MOB2: variants seen among roughly 807,000 people sequenced by gnomAD.
MOB2 encodes MOB2 Mps One Binder homolog.
A neutral mutation model predicts 27.4 loss-of-function variants in MOB2; 14 were observed. That is an observed-to-expected ratio of 0.51 (90% CI 0.34 to 0.80). MOB2 has a LOEUF of 0.80. MOB2 is among the 30% of genes least tolerant of loss of function. MOB2 has a pLI of 0.01. For missense variants in MOB2, 304 were observed against 354.6 expected (o/e 0.86, Z 1.15); for synonymous variants, 167 against 151.8 (o/e 1.10, Z -0.74).
rs1847789089 is a variant in MOB2, at chr11:1,471,419, T to C, written c.366A>G (p.Thr122=). ...ETCQTMAVCN[T]QYYWYDERGK... ...CCCGCTCGTCATACCAGTAGTACTGTCTGTGGAGACAGAGACACGGTCAGG... is the reference window on the plus strand; with the variant it reads ...CCCGCTCGTCATACCAGTAGTACTGCCTGTGGAGACAGAGACACGGTCAGG... Residue 122 remains threonine, a splice_region_variant and synonymous_variant, in exon 4 of 5, where the codon ACA becomes ACG. Coordinates refer to ENST00000329957, the MANE Select transcript of MOB2 (RefSeq NM_001172223.3). 1 of 1,610,170 alleles carries C rather than the reference T, an allele frequency of 6.2e-7. No individual in the cohort carries two copies. The highest frequency in any genetic ancestry group is 8.5e-7 in the Non-Finnish European group (1 of 1,177,922).
chr11:1,479,921 GA>G (rs1201088888), intron 3 of MOB2, among the ~76,000 whole-genome samples: 1 of 152,212 alleles, frequency 6.6e-6, no homozygotes, highest in Non-Finnish European at 1.5e-5. Context: ...ATTTACTGAG[GA>G]AATCAGGGTG....
chr11:1,485,978 C>T (rs1328765964), intron 1 of MOB2, among the ~76,000 whole-genome samples: 6 of 152,234 alleles, frequency 3.9e-5, no homozygotes, highest in African/African-American at 7.2e-5. Context: ...GGACAGACTC[C>T]GGGTCACCTC....
At position 1,470,404 on chromosome 11, in the gene MOB2, G is replaced by A; in HGVS notation, c.575C>T (p.Ala192Val). ...CAGGGCCAGCGTCTCCTTGAAGTGG[G>A]CCCAGTAGATGTGTGCCAGCACGTG... ...LFHVLAHIYW[A>V]HFKETLALEL... The change falls in exon 5 of 5, where the codon GCC (alanine) becomes GTC (valine). Residue 192 changes from alanine (A) to valine (V), a missense_variant. By Grantham distance (64) the Ala-to-Val change is moderately conservative (BLOSUM62 0). Coordinates refer to ENST00000329957, the MANE Select transcript of MOB2 (RefSeq NM_001172223.3). 1 of 1,613,696 alleles carries A rather than the reference G, an allele frequency of 6.2e-7. No individual in the cohort carries two copies. The highest frequency in any genetic ancestry group is 8.5e-7 in the Non-Finnish European group (1 of 1,179,888).
intron 3 of MOB2, among the ~76,000 whole-genome samples, chr11:1,474,466 G>C (rs1422420384): frequency 1.3e-5 from 2 of 152,232 alleles, no homozygotes; most frequent in African/African-American, 4.8e-5. Context: ...AAAAGCTTTG[G>C]AGTTTTAGAT....
Position 1,486,499 on chromosome 11 carries a change from G to A in MOB2, c.58C>T (p.Gln20Ter), listed in dbSNP as rs1442611440. Residue 20 changes from glutamine (Q) to a stop codon, truncating the protein, a stop_gained, in exon 1 of 5, where the codon CAA becomes TAA. Transcript: ENST00000329957. LOFTEE classifies it high-confidence loss of function. ...ACCATTTTGCAGCAGAGTCCACTTT[G>A]CAGGGACTGGCCGGGCCGGGCTTGG... is the stretch of plus-strand genomic sequence containing the variant. ...EDQARPGQSL[Q>*]SGLCCKMVLQ... 6.5e-7 allele frequency: 1 copy of A among 1,535,912 alleles called. No homozygotes were observed. The highest frequency in any genetic ancestry group is 1.2e-5 in the South Asian group (1 of 84,064).
Position 1,485,602 on chromosome 11 carries a change from G to C in MOB2, c.110+845C>G, listed in dbSNP as rs79973809. Among the ~76,000 whole-genome samples, 1,951 of 152,264 alleles carry C rather than the reference G, an allele frequency of 0.013. 127 individuals are homozygous for C. In the East Asian group the frequency reaches 0.21, roughly 16 times the overall value. On this transcript the variant is annotated intron_variant, in intron 1 of 4. Transcript: ENST00000329957. ...CGGGTGCCGCAGCCCCCGGCCCTTG[G>C]AGGGCACGTCCAGCAGGCCACGCTC... is the stretch of plus-strand genomic sequence containing the variant.
chr11:1,471,167 G>A (rs1847785033), intron 4 of MOB2, 128 bp downstream of exon 4: 1 of 1,290,274 alleles, frequency 7.8e-7, no homozygotes, highest in Non-Finnish European at 1.1e-6. Flanking sequence ...GCAGGGACTG[G>A]GGTGGTGCAG....
intron 1 of MOB2, among the ~76,000 whole-genome samples, chr11:1,483,627 CCT>C (rs758283529): frequency 9.9e-5 from 15 of 152,220 alleles, no homozygotes; most frequent in Non-Finnish European, 1.6e-4. Context: ...GGGTCTGCAC[CCT>C]GTTTGTGGGC....
chr11:1,470,307 G>A lies in MOB2; in HGVS notation c.672C>T (p.Asp224=). 6.2e-7 allele frequency: 1 copy of A among 1,613,426 alleles called. No individual in the cohort carries two copies. Among genetic ancestry groups the A allele is most frequent in the Non-Finnish European group, 8.5e-7 (1 of 1,179,906 alleles). The change falls in exon 5 of 5, where the codon GAC becomes GAT. Residue 224 remains aspartate (D), a synonymous_variant. Transcript: ENST00000329957. ...CGTCCATGATGGCGGTCTCTTTGGG[G>A]TCCAGCAGGTTGAACTCCCGAGCAA... ...ILFAREFNLL[D]PKETAIMDDL...
chr11:1,482,988 C>T (rs1172072192), intron 1 of MOB2, among the ~76,000 whole-genome samples: 2 of 152,238 alleles, frequency 1.3e-5, no homozygotes, highest in Non-Finnish European at 2.9e-5. Context: ...TCGGTCCAAG[C>T]CAGCGGCAGC....
At chr11:1,476,941 T>A (rs1209904728) in intron 3 of MOB2, among the ~76,000 whole-genome samples, 1 of 152,232 alleles carries the variant, frequency 6.6e-6, no homozygotes, top group Non-Finnish European at 1.5e-5. Flanking sequence ...TCAGAAAACT[T>A]ACTTCGTATG....
At chr11:1,477,706 C>G (rs1335549723) in intron 3 of MOB2, among the ~76,000 whole-genome samples, 1 of 152,208 alleles carries the variant, frequency 6.6e-6, no homozygotes, top group African/African-American at 2.4e-5. Context: ...TCACCTTGGA[C>G]TTTCAGCTTC....
chr11:1,479,754 C>T (rs1204380047), intron 3 of MOB2, among the ~76,000 whole-genome samples: 1 of 152,236 alleles, frequency 6.6e-6, no homozygotes, highest in African/African-American at 2.4e-5. Flanking sequence ...CAGGGAAAAG[C>T]TTCCGCCCTC....
At chr11:1,481,892 G>T (rs767829773) in intron 1 of MOB2, among the ~76,000 whole-genome samples, 1 of 152,176 alleles carries the variant, frequency 6.6e-6, no homozygotes, top group Admixed American at 6.5e-5. Context: ...GGGCACTTGG[G>T]GTCCTCACAG....
Position 1,469,541 on chromosome 11 carries a change from A to C in MOB2, c.*631T>G, listed in dbSNP as rs1847750657. 3 of 456,288 alleles carry C rather than the reference A, an allele frequency of 6.6e-6. No individual in the cohort carries two copies. The highest frequency in any genetic ancestry group is 1.3e-5 in the Non-Finnish European group (3 of 226,798). 28.3% of individuals were successfully genotyped at this position (456,288 alleles called of 1,614,324 possible). A position where few individuals can be genotyped will look rare whatever the true frequency, so the allele number is the denominator to read the frequency against. ...AGCCTTCCGCTGGTGCAGCATCTCC[A>C]CGCAGGGCCTCAGCCCCGTCCTGGC... On this transcript the variant is annotated 3_prime_UTR_variant, in exon 5 of 5. Transcript: ENST00000329957.
At chr11:1,473,175 GC>G (rs1847814659) in intron 3 of MOB2, 1 of 152,356 alleles carries the variant, frequency 6.6e-6, no homozygotes, top group African/African-American at 2.4e-5. Context: ...GGGAAGTGCA[GC>G]CCCAAAATGG....
intron 3 of MOB2, among the ~76,000 whole-genome samples, chr11:1,478,274 C>T (rs1396202219): frequency 2.6e-5 from 4 of 152,256 alleles, no homozygotes; most frequent in African/African-American, 4.8e-5. Context: ...CAGGCACTGC[C>T]GGACACTACT....
intron 1 of MOB2, among the ~76,000 whole-genome samples, chr11:1,483,102 G>C (rs145067623): frequency 3.3e-5 from 5 of 152,192 alleles, no homozygotes; most frequent in African/African-American, 9.6e-5. Flanking sequence ...GGCGCCCCCC[G>C]CAGGCTCACA....
rs775736438 is a variant in MOB2 at position 1,470,156 on chromosome 11, G to T, written c.*16C>A. The T allele has an allele frequency of 5.7e-6, 9 of 1,577,544 alleles. No homozygotes were observed. In the Admixed American group the frequency reaches 7.4e-5, roughly 13 times the overall value. ...CGTCTCTTTGCACACGTGTGCCCCT[G>T]TCCGGCCCGGGGGGCTCATCTCTCC... On this transcript the variant is annotated 3_prime_UTR_variant, in exon 5 of 5. Transcript: ENST00000329957.
Sources: gnomAD v4.1 joint callset for allele counts (sites outside exome capture counted in the v4.1 genomes callset) on GRCh38, gnomAD v4.1.1 for gene constraint, MANE v1.5 for transcripts, NCBI Gene and HGNC (gene_info 2026-07-23, HGNC 2026-07-21) for gene names.